Variants in SLC24A2 observed in about 807,000 individuals in gnomAD.
SLC24A2 encodes solute carrier family 24 member 2.
In SLC24A2, 36 loss-of-function variants were observed where a neutral mutation model predicts 62.0. The observed-to-expected ratio is 0.58, with a 90% CI of 0.44 to 0.77. The LOEUF (loss-of-function observed/expected upper bound fraction) is 0.77. Among genes scored for constraint, SLC24A2 ranks in the 30% least tolerant of loss-of-function variants. The probability of loss-of-function intolerance (pLI) is 0.00; values close to 1 mark genes in which losing one functional copy is unlikely to be tolerated. For missense variants in SLC24A2, 846 were observed against 817.9 expected (o/e 1.03, Z -0.42); for synonymous variants, 358 against 294.0 (o/e 1.22, Z -2.23).
At chr9:19,521,775 G>A (rs970936118) in intron 9 of SLC24A2, among the ~76,000 whole-genome samples, 3 of 151,980 alleles carry the variant, frequency 2.0e-5, no homozygotes, top group African/African-American at 7.3e-5. Flanking sequence ...CCAGGTACTT[G>A]TGAGGACTAA....
intron 9 of SLC24A2, among the ~76,000 whole-genome samples, chr9:19,525,776 T>G (rs988371089): frequency 3.3e-5 from 5 of 149,868 alleles, no homozygotes; most frequent in South Asian, 2.1e-4. Context: ...TTTTTTTTTT[T>G]TTTTTTTTTT....
chr9:19,869,368 C>G, the SLC24A2 span, among the ~76,000 whole-genome samples: 73 of 152,290 alleles, frequency 4.8e-4, no homozygotes, highest in African/African-American at 1.7e-3. Context: ...TCACCTCTTA[C>G]TCATATTCTT....
At chr9:19,578,892 A>G (rs908197997) in intron 5 of SLC24A2, among the ~76,000 whole-genome samples, 2 of 152,236 alleles carry the variant, frequency 1.3e-5, no homozygotes, top group Admixed American at 1.3e-4. Context: ...ACAAAGGCAA[A>G]GGCAATCTCT....
At chr9:19,636,390 C>CCTCTCTCT (rs199847385) in intron 2 of SLC24A2, among the ~76,000 whole-genome samples, 8 of 67,028 alleles carry the variant, frequency 1.2e-4, no homozygotes, top group South Asian at 1.1e-3. Flanking sequence ...TTTCTTTCTC[C>CCTCTCTCT]CTCTCTCTCT....
At chr9:19,545,703 A>G (rs568637004) in intron 8 of SLC24A2, among the ~76,000 whole-genome samples, 7 of 151,686 alleles carry the variant, frequency 4.6e-5, no homozygotes, top group African/African-American at 1.5e-4. Context: ...CAGTGGTGCA[A>G]TCATGGCTCA....
intron 2 of SLC24A2, among the ~76,000 whole-genome samples, chr9:19,700,458 T>G (rs1820323691): frequency 6.6e-6 from 1 of 152,210 alleles, no homozygotes; most frequent in Non-Finnish European, 1.5e-5. Flanking sequence ...ATGTTAAAAA[T>G]GTATGGATTC....
the SLC24A2 span, among the ~76,000 whole-genome samples, chr9:20,103,949 A>G: frequency 6.6e-6 from 1 of 152,034 alleles, no homozygotes. Flanking sequence ...TAAAAACTTT[A>G]AAAAAAATTT....
the SLC24A2 span, among the ~76,000 whole-genome samples, chr9:20,286,581 G>A: frequency 6.6e-6 from 1 of 152,190 alleles, no homozygotes; most frequent in African/African-American, 2.4e-5. Context: ...ATGCTGCAAG[G>A]GGGGGCTGAG....
chr9:20,239,412 G>A, the SLC24A2 span, among the ~76,000 whole-genome samples: 1 of 152,180 alleles, frequency 6.6e-6, no homozygotes, highest in South Asian at 2.1e-4. Flanking sequence ...TGAGGCTCTG[G>A]TCAGGGAGCT....
chr9:20,040,638 C>G, the SLC24A2 span, among the ~76,000 whole-genome samples: 2 of 152,182 alleles, frequency 1.3e-5, no homozygotes, highest in Non-Finnish European at 2.9e-5. Context: ...TTTGTGGCTA[C>G]ATAGAAATAC....
the SLC24A2 span, among the ~76,000 whole-genome samples, chr9:20,003,328 T>C: frequency 6.6e-6 from 1 of 152,212 alleles, no homozygotes; most frequent in Admixed American, 6.5e-5. Flanking sequence ...AATCCACTCT[T>C]GTTTTCTCTG....
the SLC24A2 span, among the ~76,000 whole-genome samples, chr9:20,043,074 G>A: frequency 6.6e-6 from 1 of 152,112 alleles, no homozygotes; most frequent in Non-Finnish European, 1.5e-5. Flanking sequence ...GTGAAAGAAA[G>A]AGTCACACAC....
the SLC24A2 span, among the ~76,000 whole-genome samples, chr9:19,907,996 T>C: frequency 1.3e-5 from 2 of 152,188 alleles, no homozygotes; most frequent in African/African-American, 4.8e-5. Flanking sequence ...TTAAAGTTCA[T>C]ATGGAACCAA....
chr9:20,026,308 C>T, the SLC24A2 span, among the ~76,000 whole-genome samples: 1 of 152,232 alleles, frequency 6.6e-6, no homozygotes, highest in Non-Finnish European at 1.5e-5. Flanking sequence ...TTCCAGCCTA[C>T]AGGCCAGATT....
At chr9:19,914,024 G>A in the SLC24A2 span, among the ~76,000 whole-genome samples, 1 of 151,874 alleles carries the variant, frequency 6.6e-6, no homozygotes. Flanking sequence ...GATTAACTGG[G>A]TAGTATGCCC....
chr9:20,061,840 A>G, the SLC24A2 span, among the ~76,000 whole-genome samples: 1 of 152,148 alleles, frequency 6.6e-6, no homozygotes, highest in Non-Finnish European at 1.5e-5. Flanking sequence ...GGTAAACGGG[A>G]CTTTACAAAA....
chr9:20,076,076 G>A, the SLC24A2 span, among the ~76,000 whole-genome samples: 1 of 152,070 alleles, frequency 6.6e-6, no homozygotes, highest in Non-Finnish European at 1.5e-5. Context: ...AATGCTTTCC[G>A]TACAGATGCA....
the SLC24A2 span, among the ~76,000 whole-genome samples, chr9:20,160,586 A>AT: frequency 6.6e-6 from 1 of 151,358 alleles, no homozygotes; most frequent in Non-Finnish European, 1.5e-5. Context: ...AAACTGGTTA[A>AT]TTTTTTAACT....
intron 2 of SLC24A2, among the ~76,000 whole-genome samples, chr9:19,734,616 G>A (rs1821447609): frequency 6.6e-6 from 1 of 152,104 alleles, no homozygotes; most frequent in African/African-American, 2.4e-5. Flanking sequence ...CTTGTAAGCT[G>A]GATTCCTAGG....
Sources: gnomAD v4.1 joint callset for allele counts (sites outside exome capture counted in the v4.1 genomes callset) on GRCh38, gnomAD v4.1.1 for gene constraint, MANE v1.5 for transcripts, NCBI Gene and HGNC (gene_info 2026-07-23, HGNC 2026-07-21) for gene names.